Variants in TMEM165 observed in about 807,000 individuals in gnomAD.
TMEM165 encodes transmembrane protein 165, also known as putative divalent cation/proton antiporter TMEM165.
A neutral mutation model predicts 30.0 loss-of-function variants in TMEM165; 19 were observed. That is an observed-to-expected ratio of 0.63 (90% CI 0.44 to 0.93). The LOEUF (loss-of-function observed/expected upper bound fraction) is 0.93, where lower values mean the gene tolerates loss of function less well. Ranked by LOEUF, TMEM165 falls within the 40% of genes least tolerant of loss-of-function variation. The pLI is 0.00. For synonymous variants in TMEM165, 168 were observed against 162.9 expected (o/e 1.03, Z -0.24); for missense variants, 340 against 417.0 (o/e 0.82, Z 1.61).
chr4:55,412,134 C>T, intron 2 of TMEM165: 1 of 406,232 alleles, frequency 2.5e-6, no homozygotes, highest in East Asian at 5.8e-5. Context: ...GTCACTCACG[C>T]CTGTAATCCC....
chr4:55,420,107 ATAT>A (rs1335909689), intron 4 of TMEM165, among the ~76,000 whole-genome samples: 1 of 46,208 alleles, frequency 2.2e-5, no homozygotes, highest in Non-Finnish European at 5.0e-5. Flanking sequence ...AGAAAAAAAA[ATAT>A]ATATATATAT....
intron 3 of TMEM165, chr4:55,443,667 G>C: frequency 6.3e-7 from 1 of 1,594,086 alleles, no homozygotes; most frequent in South Asian, 1.1e-5. Context: ...TCCATAGCCC[G>C]CTGTGCTCAG....
intron 3 of TMEM165, chr4:55,450,231 C>T (rs766811039): frequency 6.2e-7 from 1 of 1,613,800 alleles, no homozygotes; most frequent in Non-Finnish European, 8.5e-7. Flanking sequence ...AGAATCTTGG[C>T]TCTATGGAGA....
At chr4:55,431,689 TTTCAA>T (rs1722513031) in intron 3 of TMEM165, 1 of 147,394 alleles carries the variant, frequency 6.8e-6, no homozygotes, top group Non-Finnish European at 1.5e-5. Context: ...ATCAACAAAC[TTTCAA>T]TTACCAAAGA....
At chr4:55,451,174 A>C (rs537219382) in intron 3 of TMEM165, among the ~76,000 whole-genome samples, 1 of 152,212 alleles carries the variant, frequency 6.6e-6, no homozygotes, top group East Asian at 1.9e-4. Context: ...CTGTCTTTTA[A>C]ACCAACTCTA....
At chr4:55,448,866 G>A in intron 3 of TMEM165, 1 of 1,611,844 alleles carries the variant, frequency 6.2e-7, no homozygotes, top group Non-Finnish European at 8.5e-7. Flanking sequence ...GGGAATTTAT[G>A]GACTAGAGCA....
chr4:55,414,513 TG>T (rs1475319611), intron 2 of TMEM165, among the ~76,000 whole-genome samples: 2 of 152,162 alleles, frequency 1.3e-5, no homozygotes, highest in Non-Finnish European at 2.9e-5. Context: ...GGTATACATG[TG>T]CCATGGTGAT....
At chr4:55,448,615 T>C (rs866472421) in intron 3 of TMEM165, among the ~76,000 whole-genome samples, 2,362 of 130,748 alleles carry the variant, frequency 0.018, 63 homozygotes, top group African/African-American at 0.066. Flanking sequence ...TGTGTGTGTG[T>C]GTGTGTGTGT....
At chr4:55,431,075 A>G (rs970902142), downstream of TMEM165, 1 of 152,240 alleles carries the variant, frequency 6.6e-6, no homozygotes, top group African/African-American at 2.4e-5. Context: ...GCCTAAGAAT[A>G]AACTTTATCA....
chr4:55,404,117 C>A (rs1721172589), intron 1 of TMEM165, among the ~76,000 whole-genome samples: 1 of 146,040 alleles, frequency 6.8e-6, no homozygotes, highest in Non-Finnish European at 1.5e-5. Context: ...AATCTTGGCA[C>A]ACTGCAACCT....
chr4:55,441,123 T>G (rs1331937186), intron 3 of TMEM165, among the ~76,000 whole-genome samples: 2 of 152,216 alleles, frequency 1.3e-5, no homozygotes, highest in African/African-American at 2.4e-5. Flanking sequence ...GATGCCATAC[T>G]CATCTAGGTA....
At chr4:55,443,416 A>G (rs1723528867) in intron 3 of TMEM165, among the ~76,000 whole-genome samples, 1 of 151,066 alleles carries the variant, frequency 6.6e-6, no homozygotes, top group Non-Finnish European at 1.5e-5. Flanking sequence ...CGGAGGTTGC[A>G]GTAATCTAAG....
chr4:55,449,227 T>C (rs1724213846), intron 3 of TMEM165, among the ~76,000 whole-genome samples: 1 of 152,010 alleles, frequency 6.6e-6, no homozygotes, highest in Non-Finnish European at 1.5e-5. Flanking sequence ...CCAATACATA[T>C]GACAACCACT....
At chr4:55,442,783 G>C (rs2109684415) in intron 3 of TMEM165, 1 of 746,076 alleles carries the variant, frequency 1.3e-6, no homozygotes, top group South Asian at 1.6e-5. Context: ...AACCACAAAG[G>C]AATGACTCGT....
chr4:55,417,570 G>A lies in TMEM165; in HGVS notation c.610-233G>A, dbSNP rs935256775. The A allele has an allele frequency of 5.3e-6, 3 of 561,326 alleles. No homozygotes were observed. In the African/African-American group the frequency reaches 5.7e-5, roughly 11 times the overall value. The allele number at this position is 561,326 out of a possible 1,614,324, so 34.8% of individuals were successfully genotyped here. On this transcript the variant is annotated intron_variant, in intron 3 of 5. Coordinates refer to ENST00000381334, the MANE Select transcript of TMEM165 (RefSeq NM_018475.5). ...TGGTGTCTAGGATAGTAAGTGAGCA[G>A]AGCAGTAAATACTGTTTGGTTTGTT...
chr4:55,406,282 C>T (rs1035464014), intron 1 of TMEM165, among the ~76,000 whole-genome samples: 19 of 152,226 alleles, frequency 1.2e-4, no homozygotes, highest in Non-Finnish European at 2.2e-4. Context: ...TGAAATGGTA[C>T]ATAGCATGTG....
At chr4:55,421,225 A>G (rs1439116274) in intron 4 of TMEM165, among the ~76,000 whole-genome samples, 2 of 149,784 alleles carry the variant, frequency 1.3e-5, no homozygotes, top group African/African-American at 2.4e-5. Context: ...GGAAAGTCCT[A>G]TATTAAAGGA....
At chr4:55,400,370 T>G in intron 1 of TMEM165, among the ~76,000 whole-genome samples, 1 of 49,002 alleles carries the variant, frequency 2.0e-5, no homozygotes, top group East Asian at 4.3e-3. Context: ...TAATTAATTA[T>G]ATTAATATAA....
chr4:55,448,802 G>C, intron 3 of TMEM165: 1 of 1,613,864 alleles, frequency 6.2e-7, no homozygotes, highest in East Asian at 2.2e-5. Context: ...TGTGGAATTG[G>C]TAAATTTGTA....
Sources: gnomAD v4.1 joint callset for allele counts (sites outside exome capture counted in the v4.1 genomes callset) on GRCh38, gnomAD v4.1.1 for gene constraint, MANE v1.5 for transcripts, NCBI Gene and HGNC (gene_info 2026-07-23, HGNC 2026-07-21) for gene names.